The following HEATR4 variants were observed in gnomAD, a reference collection of about 807,000 sequenced individuals.
The protein encoded by HEATR4 is HEAT repeat containing 4, also known as HEAT repeat-containing protein 4.
Under a neutral mutation model 108.8 loss-of-function variants are expected in HEATR4, and 95 were observed. The observed-to-expected ratio is 0.87, with a 90% CI of 0.74 to 1.04. The LOEUF (loss-of-function observed/expected upper bound fraction) is 1.04, where lower values mean the gene tolerates loss of function less well. HEATR4 is among the 50% of genes least tolerant of loss of function. The probability of loss-of-function intolerance (pLI) is 0.00; values close to 1 mark genes in which losing one functional copy is unlikely to be tolerated. For missense variants in HEATR4, 1,152 were observed against 1,253.8 expected, an observed-to-expected ratio of 0.92 and a Z score of 1.23; for synonymous variants, 443 against 459.4, an observed-to-expected ratio of 0.96 and a Z score of 0.46.
chr14:73,591,872 CGGACGCCGT>C, the HEATR4 span: 1 of 1,272,130 alleles, frequency 7.9e-7, no homozygotes, highest in Non-Finnish European at 1.0e-6. Context: ...CAGGGGACGC[CGGACGCCGT>C]CCGGACATTC....
chr14:73,580,815 G>A, the HEATR4 span: 1 of 152,004 alleles, frequency 6.6e-6, no homozygotes, highest in African/African-American at 2.4e-5. Flanking sequence ...GAAAGGGCGT[G>A]GAGGTTCAGC....
chr14:73,573,255 T>G, the HEATR4 span: 1 of 1,345,788 alleles, frequency 7.4e-7, no homozygotes, highest in Non-Finnish European at 1.1e-6. Flanking sequence ...ACGAACAGGT[T>G]TTCATTTCTC....
At chr14:73,608,930 T>A in the HEATR4 span, among the ~76,000 whole-genome samples, 1 of 152,186 alleles carries the variant, frequency 6.6e-6, no homozygotes, top group South Asian at 2.1e-4. Context: ...AAAGCCTTTA[T>A]AAAACCATCA....
chr14:73,521,338 G>A (rs886718791), intron 3 of HEATR4, among the ~76,000 whole-genome samples: 9 of 152,012 alleles, frequency 5.9e-5, no homozygotes, highest in South Asian at 2.1e-4. Context: ...TTTAACATTC[G>A]TACTCTTAGA....
intron 1 of HEATR4, among the ~76,000 whole-genome samples, chr14:73,533,078 T>C (rs1888758105): frequency 8.6e-6 from 1 of 115,658 alleles, no homozygotes; most frequent in African/African-American, 2.8e-5. Flanking sequence ...TGAGCTATGA[T>C]GGCACTACTG....
Position 73,499,140 on chromosome 14 carries a change from C to G in HEATR4, c.2287G>C (p.Val763Leu), listed in dbSNP as rs1264557878. 6.2e-7 allele frequency: 1 copy of G among 1,613,890 alleles called. No individual in the cohort carries two copies. The highest frequency in any genetic ancestry group is 8.5e-7 in the Non-Finnish European group (1 of 1,179,928). ...AGALQIRDKM[V>L]LECLLNLMQR... ...ATCAGGTTCAGGAGGCATTCAAGCA[C>G]CTGGGATGGAAAAGGCAGTGTTGAG... Residue 763 changes from valine to leucine, a missense_variant and splice_region_variant, in exon 13 of 18, where the codon GTG becomes CTG. Physicochemically the swap from Val to Leu is conservative, Grantham distance 32. Transcript: ENST00000553558.
intron 8 of HEATR4, 94 bp downstream of exon 8, chr14:73,509,218 C>G (rs1887046932): frequency 8.2e-7 from 1 of 1,213,842 alleles, no homozygotes; most frequent in Non-Finnish European, 1.2e-6. Context: ...GCAGACATTG[C>G]AGAGCATCAC....
the HEATR4 span, among the ~76,000 whole-genome samples, chr14:73,580,382 G>GC: frequency 6.6e-6 from 1 of 152,088 alleles, no homozygotes; most frequent in Non-Finnish European, 1.5e-5. Context: ...GTAATCAGTA[G>GC]AACGGTGCAG....
At chr14:73,526,748 C>T (rs1300484642) in intron 2 of HEATR4, among the ~76,000 whole-genome samples, 1 of 152,220 alleles carries the variant, frequency 6.6e-6, no homozygotes, top group African/African-American at 2.4e-5. Context: ...TCCCCACCTG[C>T]TGACTAAAGT....
chr14:73,509,866 A>ATATATTTATTTATT (rs1566832362), intron 7 of HEATR4, among the ~76,000 whole-genome samples: 1 of 67,522 alleles, frequency 1.5e-5, no homozygotes, highest in African/African-American at 6.3e-5. Context: ...ATATATATAT[A>ATATATTTATTTATT]TATTTATTTA....
Position 73,537,935 on chromosome 14 carries a change from CTGTGTGTG to C in HEATR4, c.-151-7699_-151-7692del. 1.8e-6 allele frequency: 2 copies of C among 1,094,378 alleles called. 1 individual carries two copies. Among genetic ancestry groups the C allele is most frequent in the Non-Finnish European group, 2.3e-6 (2 of 856,240 alleles). 67.8% of individuals were successfully genotyped at this position (1,094,378 alleles called of 1,614,324 possible). ...CCCATCCCTGTTCCTGCGCTTTCCACTGTGTGTGTGTGTGTGTCCCCTTCGCCCCGCCC... is the reference window on the plus strand; with the variant it reads ...CCCATCCCTGTTCCTGCGCTTTCCACTGTGTGTGTCCCCTTCGCCCCGCCC... On this transcript the variant is annotated intron_variant, in intron 1 of 17. Coordinates refer to ENST00000553558, the MANE Select transcript of HEATR4 (RefSeq NM_001220484.1).
At chr14:73,615,173 G>T in the HEATR4 span, among the ~76,000 whole-genome samples, 5 of 150,286 alleles carry the variant, frequency 3.3e-5, no homozygotes, top group African/African-American at 1.2e-4. Context: ...GGATCACGAG[G>T]TCAGGAGTTC....
At chr14:73,573,353 G>C in the HEATR4 span, 5 of 1,613,026 alleles carry the variant, frequency 3.1e-6, no homozygotes, top group Non-Finnish European at 4.2e-6. Context: ...TTCAGGAATA[G>C]CTTAGTTTTG....
At chr14:73,582,334 C>A in the HEATR4 span, 1 of 150,956 alleles carries the variant, frequency 6.6e-6, no homozygotes, top group East Asian at 1.9e-4. Context: ...TAGATAACAA[C>A]TGGAACATTA....
chr14:73,609,969 C>T, the HEATR4 span, among the ~76,000 whole-genome samples: 1 of 151,934 alleles, frequency 6.6e-6, no homozygotes, highest in Admixed American at 6.6e-5. Context: ...ATTCCTCTAC[C>T]CTTTTTTTTT....
the HEATR4 span, among the ~76,000 whole-genome samples, chr14:73,611,959 T>C: frequency 6.6e-6 from 1 of 152,032 alleles, no homozygotes; most frequent in Non-Finnish European, 1.5e-5. Flanking sequence ...TTGGACTGTA[T>C]CTCTCTCAAT....
the HEATR4 span, among the ~76,000 whole-genome samples, chr14:73,565,860 G>A: frequency 6.6e-6 from 1 of 152,050 alleles, no homozygotes; most frequent in African/African-American, 2.4e-5. Flanking sequence ...TCCACAGTGT[G>A]GAAGGGGGAC....
chr14:73,576,234 G>A, the HEATR4 span, among the ~76,000 whole-genome samples: 53 of 151,928 alleles, frequency 3.5e-4, no homozygotes, highest in African/African-American at 1.2e-3. Context: ...TATAAAAAGT[G>A]TATCAGATTT....
At chr14:73,536,803 G>C (rs1429144529) in intron 1 of HEATR4, among the ~76,000 whole-genome samples, 1 of 114,582 alleles carries the variant, frequency 8.7e-6, no homozygotes, top group Admixed American at 9.8e-5. Context: ...GTGATGTGGA[G>C]GATAGGCATA....
Sources: allele counts gnomAD v4.1 joint callset (sites outside exome capture counted in the v4.1 genomes callset), GRCh38; gene constraint gnomAD v4.1.1; transcripts MANE v1.5; gene names NCBI Gene and HGNC (gene_info 2026-07-23, HGNC 2026-07-21).